The following FAT3 variants were observed in gnomAD, a reference collection of about 807,000 sequenced individuals.
FAT3 encodes FAT atypical cadherin 3.
A neutral mutation model predicts 310.2 loss-of-function variants in FAT3; 95 were observed. The ratio of observed to expected loss-of-function variants is 0.31; its 90% CI spans 0.26 to 0.36. The LOEUF is 0.36. Ranked by LOEUF, FAT3 falls within the 10% of genes least tolerant of loss-of-function variation. FAT3 has a pLI of 1.00. For missense variants in FAT3, 5,408 were observed against 5,715.6 expected, an observed-to-expected ratio of 0.95 and a Z score of 1.74; for synonymous variants, 2,314 against 2,192.9, an observed-to-expected ratio of 1.06 and a Z score of -1.54.
intron 1 of FAT3, among the ~76,000 whole-genome samples, chr11:92,338,311 C>T (rs1350115120): frequency 1.3e-5 from 2 of 152,112 alleles, no homozygotes; most frequent in Admixed American, 6.6e-5. Flanking sequence ...AGAAAACTAT[C>T]TACTTACCTA....
chr11:92,247,571 T>C (rs1864970396), intron 1 of FAT3, among the ~76,000 whole-genome samples: 1 of 152,014 alleles, frequency 6.6e-6, no homozygotes, highest in African/African-American at 2.4e-5. Context: ...GAGTCATTTT[T>C]CAATTTCCTC....
intron 2 of FAT3, among the ~76,000 whole-genome samples, chr11:92,419,981 A>C (rs1292544892): frequency 6.6e-6 from 1 of 152,222 alleles, no homozygotes; most frequent in Non-Finnish European, 1.5e-5. Context: ...TAACCAAGAC[A>C]GGAGGAACAC....
intron 3 of FAT3, among the ~76,000 whole-genome samples, chr11:92,593,702 C>G (rs914370329): frequency 6.6e-6 from 1 of 152,132 alleles, no homozygotes; most frequent in African/African-American, 2.4e-5. Flanking sequence ...ATATAGTACT[C>G]TGTTTCACAA....
chr11:92,711,989 G>T (rs184768228), intron 4 of FAT3, among the ~76,000 whole-genome samples: 2 of 152,230 alleles, frequency 1.3e-5, no homozygotes, highest in East Asian at 1.9e-4. Context: ...CTTGATGATG[G>T]ATTATTTAAA....
chr11:92,352,670 T>TGA lies in FAT3; in HGVS notation c.558_559insGA (p.Ile187GlufsTer30). Reference sequence around the variant, plus strand: ...CCCAGGTGACTGCAACAGACGCAGATATTGGTTCCAATGGAGAATTCTACT... The same window carrying TGA: ...CCCAGGTGACTGCAACAGACGCAGATGAATTGGTTCCAATGGAGAATTCTACT... On this transcript the variant is annotated frameshift_variant, in exon 2 of 28. Coordinates refer to ENST00000525166, the MANE Select transcript of FAT3 (RefSeq NM_001367949.2). LOFTEE classifies it high-confidence loss of function. 1 of 1,613,772 alleles carries TGA rather than the reference T, an allele frequency of 6.2e-7. No homozygotes were observed. The highest frequency in any genetic ancestry group is 1.1e-5 in the South Asian group (1 of 91,086).
intron 1 of FAT3, among the ~76,000 whole-genome samples, chr11:92,292,509 C>T (rs1331883794): frequency 6.6e-6 from 1 of 152,006 alleles, no homozygotes; most frequent in Non-Finnish European, 1.5e-5. Flanking sequence ...AGAAAATTAG[C>T]ATGTGTAGTT....
intron 3 of FAT3, among the ~76,000 whole-genome samples, chr11:92,548,366 T>A (rs1954686763): frequency 6.6e-6 from 1 of 152,222 alleles, no homozygotes. Flanking sequence ...CTATTCCATG[T>A]GACTCTCTCT....
At chr11:92,439,323 T>C (rs914870085) in intron 2 of FAT3, among the ~76,000 whole-genome samples, 2 of 152,196 alleles carry the variant, frequency 1.3e-5, no homozygotes, top group African/African-American at 4.8e-5. Flanking sequence ...CCATGTCTTA[T>C]TAGGTACACT....
intron 17 of FAT3, among the ~76,000 whole-genome samples, chr11:92,838,726 T>G (rs1197623188): frequency 6.6e-6 from 1 of 152,142 alleles, no homozygotes; most frequent in Non-Finnish European, 1.5e-5. Flanking sequence ...GTGGGCCAGC[T>G]CTTGAGGGTC....
intron 6 of FAT3, among the ~76,000 whole-genome samples, chr11:92,767,605 A>C (rs1042941353): frequency 2.0e-5 from 3 of 152,160 alleles, no homozygotes; most frequent in Non-Finnish European, 4.4e-5. Context: ...TCAGGCTTGC[A>C]ACTCTTCATC....
At chr11:92,680,359 A>G (rs1943444171) in intron 3 of FAT3, among the ~76,000 whole-genome samples, 1 of 152,174 alleles carries the variant, frequency 6.6e-6, no homozygotes, top group Non-Finnish European at 1.5e-5. Flanking sequence ...TATTTTCTGA[A>G]GAAGCTATCC....
At chr11:92,467,532 C>G (rs554551596) in intron 2 of FAT3, among the ~76,000 whole-genome samples, 7 of 152,234 alleles carry the variant, frequency 4.6e-5, no homozygotes, top group South Asian at 2.1e-4. Context: ...CTCAAATGCC[C>G]TTATCCTTGG....
intron 2 of FAT3, among the ~76,000 whole-genome samples, chr11:92,506,787 A>G (rs1953113381): frequency 6.6e-6 from 1 of 152,168 alleles, no homozygotes; most frequent in Non-Finnish European, 1.5e-5. Context: ...AATCTCAATA[A>G]TTTGTTCTAA....
chr11:92,555,731 AT>A (rs1954994630), intron 3 of FAT3, among the ~76,000 whole-genome samples: 1 of 152,228 alleles, frequency 6.6e-6, no homozygotes, highest in African/African-American at 2.4e-5. Context: ...CTGCTCAGTC[AT>A]TGGCAGAATC....
chr11:92,464,723 T>C (rs1047817367), intron 2 of FAT3, among the ~76,000 whole-genome samples: 5 of 152,242 alleles, frequency 3.3e-5, no homozygotes, highest in African/African-American at 4.8e-5. Flanking sequence ...CTTCTTAGAA[T>C]GTACCTAGAA....
intron 19 of FAT3, among the ~76,000 whole-genome samples, chr11:92,853,812 T>C (rs866510968): frequency 2.0e-5 from 3 of 152,276 alleles, no homozygotes; most frequent in Non-Finnish European, 2.9e-5. Context: ...AGGACATGCA[T>C]GCTGATTGGT....
chr11:92,755,455 C>T (rs1421216617), intron 4 of FAT3, among the ~76,000 whole-genome samples: 1 of 152,076 alleles, frequency 6.6e-6, no homozygotes, highest in East Asian at 1.9e-4. Context: ...AACTCCTGAC[C>T]TCTGGTGATC....
chr11:92,465,521 A>G (rs1232626041), intron 2 of FAT3, among the ~76,000 whole-genome samples: 1 of 151,532 alleles, frequency 6.6e-6, no homozygotes, highest in African/African-American at 2.4e-5. Context: ...ATGGTATCTC[A>G]TTGTGGTTTT....
chr11:92,337,589 G>A (rs1378301421), intron 1 of FAT3, among the ~76,000 whole-genome samples: 3 of 152,042 alleles, frequency 2.0e-5, no homozygotes, highest in Non-Finnish European at 4.4e-5. Flanking sequence ...CTGCCACCAC[G>A]CCCAGCTAAT....
Sources: gnomAD v4.1 joint callset for allele counts (sites outside exome capture counted in the v4.1 genomes callset) on GRCh38, gnomAD v4.1.1 for gene constraint, MANE v1.5 for transcripts, NCBI Gene and HGNC (gene_info 2026-07-23, HGNC 2026-07-21) for gene names.